KDM8: variants seen among roughly 807,000 people sequenced by gnomAD.
KDM8 encodes the protein lysine demethylase 8.
Under a neutral mutation model 46.9 loss-of-function variants are expected in KDM8, and 35 were observed. That is an observed-to-expected ratio of 0.75 (90% confidence interval 0.57 to 0.99). The LOEUF (loss-of-function observed/expected upper bound fraction) is 0.99. KDM8 is among the 50% of genes least tolerant of loss of function. The probability of loss-of-function intolerance (pLI) is 0.00; values close to 1 mark genes in which losing one functional copy is unlikely to be tolerated. For missense variants in KDM8, 475 were observed against 537.0 expected, an observed-to-expected ratio of 0.88 and a Z score of 1.14; for synonymous variants, 232 against 227.7, an observed-to-expected ratio of 1.02 and a Z score of -0.17.
chr16:27,211,293 G>A (rs1596647002), intron 2 of KDM8: 4 of 429,626 alleles, frequency 9.3e-6, no homozygotes, highest in East Asian at 7.1e-5. Context: ...TCACCCAGGC[G>A]AGGCGATACC....
At chr16:27,207,383 T>G (rs2140962208) in intron 1 of KDM8, among the ~76,000 whole-genome samples, 1 of 152,348 alleles carries the variant, frequency 6.6e-6, no homozygotes. Context: ...CACTCCAGAC[T>G]GGGTGACAGA....
At chr16:27,206,121 A>T in intron 1 of KDM8, 1 of 484,132 alleles carries the variant, frequency 2.1e-6, no homozygotes, top group Non-Finnish European at 2.7e-6. Context: ...TTTTATGTAG[A>T]GCTCTCGAAG....
chr16:27,213,746 G>A lies in KDM8; in HGVS notation c.660G>A (p.Lys220=). 6.2e-7 allele frequency: 1 copy of A among 1,613,810 alleles called. No homozygotes were observed. Among genetic ancestry groups the A allele is most frequent in the Non-Finnish European group, 8.5e-7 (1 of 1,179,806 alleles). The change falls in exon 3 of 8, where the codon AAG becomes AAA. Residue 220 remains lysine (K), a synonymous_variant. Transcript: ENST00000286096. Reference sequence around the variant, plus strand: ...CTGACCACTGGCCGTGCATGCAGAAGTGGAGGTGGGTGGTCGCTGAGGGAG... The same window carrying A: ...CTGACCACTGGCCGTGCATGCAGAAATGGAGGTGGGTGGTCGCTGAGGGAG... ...GVADHWPCMQ[K]WSLEYIQEIA... is the part of the protein sequence containing the mutation.
In KDM8 at chr16:27,217,156, C is replaced by A. The variant is rs1023943037; in HGVS notation, c.843+1167C>A. Among the ~76,000 whole-genome samples, 6 of 152,318 alleles carry A rather than the reference C, an allele frequency of 3.9e-5. No individual in the cohort carries two copies. The East Asian group carries it at 1.2e-3, about 29-fold the overall frequency. The stretch of plus-strand genomic sequence containing the variant: ...CAGCCCATGCCCAGGTGTTATCATG[C>A]CGTGTGGCAAGGACAGTGTTCTAGA... On this transcript the variant is annotated intron_variant, in intron 5 of 7. Transcript: ENST00000286096.
chr16:27,206,269 G>T lies in KDM8; in HGVS notation c.-32+2633G>T, dbSNP rs1368644313. 5 of 952,990 alleles carry T rather than the reference G, an allele frequency of 5.2e-6. No individual in the cohort carries two copies. In the East Asian group the frequency reaches 5.8e-4, roughly 110 times the overall value. The allele number at this position is 952,990 out of a possible 1,614,324, so 59.0% of individuals were successfully genotyped here. A position where few individuals can be genotyped will look rare whatever the true frequency, so the allele number is the denominator to read the frequency against. ...TTTAATGTAAGCCTTTTGTGTGCGT[G>T]TGCTTTTTTTTTTTTTCGGGAGGGA... On this transcript the variant is annotated intron_variant, in intron 1 of 7. Transcript: ENST00000286096.
intron 1 of KDM8, 133 bp from the exon 2 acceptor site, chr16:27,209,960 C>G: frequency 2.1e-6 from 2 of 944,268 alleles, no homozygotes; most frequent in South Asian, 3.3e-5. Context: ...GGGCCCTCCC[C>G]TCCAGAGCTT....
At chr16:27,218,862 T>C in intron 5 of KDM8, 99 bp from the exon 6 acceptor site, 1 of 1,339,974 alleles carries the variant, frequency 7.5e-7, no homozygotes, top group Non-Finnish European at 1.1e-6. Flanking sequence ...CACACACACA[T>C]AATGGATATA....
At position 27,220,793 on chromosome 16, in the gene KDM8, G is replaced by A. The variant is rs750937338; in HGVS notation, c.*63G>A. ...CATTCATCTGTTCACTAATTTCCTG[G>A]GTCCTGGAATCTATAGAGACAAGCA... is the stretch of plus-strand genomic sequence containing the variant. On this transcript the variant is annotated 3_prime_UTR_variant, in exon 8 of 8. Transcript: ENST00000286096. 1.1e-5 allele frequency: 18 copies of A among 1,579,190 alleles called. No homozygotes were observed. The highest frequency in any genetic ancestry group is 1.5e-5 in the Non-Finnish European group (17 of 1,148,536).
Position 27,219,005 on chromosome 16 carries a change from C to G in KDM8, c.888C>G (p.Ser296Arg). ...ACATCAGCATCCCCGACTACTGCAG[C>G]CTGGGCGATGGGGAGGAGGAGGAAA... ...KQDISIPDYC[S>R]LGDGEEEEIT... Residue 296 changes from serine to arginine, a missense_variant, in exon 6 of 8, where the codon AGC becomes AGG. Transcript: ENST00000286096. 1 of 1,614,110 alleles carries G rather than the reference C, an allele frequency of 6.2e-7. No individual in the cohort carries two copies. Among genetic ancestry groups the G allele is most frequent in the Non-Finnish European group, 8.5e-7 (1 of 1,180,012 alleles).
intron 2 of KDM8, among the ~76,000 whole-genome samples, chr16:27,213,023 G>C (rs2083501971): frequency 6.6e-6 from 1 of 152,202 alleles, no homozygotes; most frequent in Admixed American, 6.5e-5. Context: ...TGGACACTGA[G>C]GTTCTCAAGC....
intron 1 of KDM8, among the ~76,000 whole-genome samples, chr16:27,204,718 G>A (rs1237446833): frequency 6.6e-6 from 1 of 152,122 alleles, no homozygotes; most frequent in Admixed American, 6.5e-5. Flanking sequence ...TGCTTTAGAG[G>A]AGTTGATGTT....
rs1051990610 is a variant in KDM8, at chr16:27,210,382, G to A, written c.259G>A (p.Val87Ile). The change falls in exon 2 of 8, where the codon GTA (valine) becomes ATA (isoleucine). Residue 87 changes from valine (V) to isoleucine (I), a missense_variant. Physicochemically the swap from Val to Ile is conservative, Grantham distance 29. Transcript: ENST00000286096. ...EKLNTGTWQD[V>I]DKDWRRVYAI... ...GCTCAACACGGGCACATGGCAGGAC[G>A]TAGACAAAGACTGGCGCCGGGTCTA... is the stretch of plus-strand genomic sequence containing the variant. 21 of 1,613,060 alleles carry A rather than the reference G, an allele frequency of 1.3e-5. No individual in the cohort carries two copies. Among genetic ancestry groups the A allele is most frequent in the Non-Finnish European group, 1.6e-5 (19 of 1,179,812 alleles).
rs567440936 is a variant in KDM8 at position 27,204,308 on chromosome 16, G to C, written c.-32+672G>C. ...GAATCGCCGTGCTCAGGAGGACTCGGGAGCAAGCCCGGGGACAGGAGGTGC... is the reference window on the plus strand; with the variant it reads ...GAATCGCCGTGCTCAGGAGGACTCGCGAGCAAGCCCGGGGACAGGAGGTGC... On this transcript the variant is annotated intron_variant, in intron 1 of 7. Coordinates refer to ENST00000286096, the MANE Select transcript of KDM8 (RefSeq NM_024773.3). 1.3e-5 allele frequency: 18 copies of C among 1,379,194 alleles called. No individual in the cohort carries two copies. The African/African-American group carries it at 2.3e-4, about 17-fold the overall frequency. 85.4% of individuals were successfully genotyped at this position (1,379,194 alleles called of 1,614,324 possible).
chr16:27,218,923 C>T (rs745817490), intron 5 of KDM8, 38 bp from the exon 6 acceptor site: 8 of 1,613,100 alleles, frequency 5.0e-6, no homozygotes, highest in South Asian at 4.4e-5. Context: ...TGTCCCCAGC[C>T]GGATCCCCAC....
Position 27,220,872 on chromosome 16 carries a change from G to A in KDM8, c.*142G>A, listed in dbSNP as rs1203895125. On this transcript the variant is annotated 3_prime_UTR_variant, in exon 8 of 8. Transcript: ENST00000286096. ...CACTGCCCAGTGGCAGCCCTGGGGG[G>A]CTGAGCTCCAGCACTGGACAGGCAC... 5 of 998,840 alleles carry A rather than the reference G, an allele frequency of 5.0e-6. No individual in the cohort carries two copies. The highest frequency in any genetic ancestry group is 6.2e-6 in the Non-Finnish European group (4 of 644,318). The allele number at this position is 998,840 out of a possible 1,614,324, so 61.9% of individuals were successfully genotyped here.
chr16:27,203,823 C>T (rs953132387), intron 1 of KDM8, 187 bp downstream of exon 1: 10 of 413,890 alleles, frequency 2.4e-5, no homozygotes, highest in African/African-American at 6.2e-5. Context: ...TTTAGCTCGT[C>T]GCCGGCCTGC....
At chr16:27,209,784 G>T (rs1453004750) in intron 1 of KDM8, among the ~76,000 whole-genome samples, 2 of 152,198 alleles carry the variant, frequency 1.3e-5, no homozygotes, top group Non-Finnish European at 2.9e-5. Context: ...ATTTAAGATG[G>T]GCTTTAAAGG....
At chr16:27,215,413 C>A (rs1379561709) in intron 4 of KDM8, among the ~76,000 whole-genome samples, 1 of 152,042 alleles carries the variant, frequency 6.6e-6, no homozygotes, top group Non-Finnish European at 1.5e-5. Flanking sequence ...AACCCTGTCT[C>A]TATAAAAAAT....
chr16:27,215,951 G>A lies in KDM8; in HGVS notation c.805G>A (p.Asp269Asn). The A allele has an allele frequency of 6.2e-7, 1 of 1,614,186 alleles. No individual in the cohort carries two copies. The highest frequency in any genetic ancestry group is 8.5e-7 in the Non-Finnish European group (1 of 1,180,026). ...ISKYIVNEPR[D>N]VGYLAQHQLF... ...GTTTTCCCCGGTGGATTAGCCAAGG[G>A]ACGTCGGGTACCTTGCTCAGCACCA... The change falls in exon 5 of 8, where the codon GAC becomes AAC. Residue 269 changes from aspartate (D) to asparagine (N), a missense_variant. Transcript: ENST00000286096.
Sources: allele counts gnomAD v4.1 joint callset (sites outside exome capture counted in the v4.1 genomes callset), GRCh38; gene constraint gnomAD v4.1.1; transcripts MANE v1.5; gene names NCBI Gene and HGNC (gene_info 2026-07-23, HGNC 2026-07-21).